HYAL4: variants seen among roughly 807,000 people sequenced by gnomAD.
HYAL4 encodes the protein hyaluronidase 4, also known as hyaluronidase-4.
A neutral mutation model predicts 35.2 loss-of-function variants in HYAL4; 37 were observed. The observed-to-expected ratio is 1.05, with a 90% confidence interval of 0.81 to 1.38. HYAL4 has a LOEUF of 1.38. HYAL4 is among the 40% of genes most tolerant of loss of function. The pLI, the probability that HYAL4 is intolerant of heterozygous loss-of-function variation, is 0.00. For missense variants in HYAL4, 572 were observed against 572.4 expected (o/e 1.00, Z 0.01); for synonymous variants, 198 against 203.2 (o/e 0.97, Z 0.22).
chr7:123,874,794 G>T lies in HYAL4; in HGVS notation c.988G>T (p.Ala330Ser). ...AGTCAGCACCATAGGAGAAAGTGCT[G>T]CCTTGGGAGCTGCAGGCATTGTTAT... ...DLVSTIGESA[A>S]LGAAGIVIWG... The change falls in exon 4 of 5, where the codon GCC becomes TCC. Residue 330 changes from alanine (A) to serine (S), a missense_variant. Transcript: ENST00000223026. The T allele has an allele frequency of 6.2e-7, 1 of 1,610,456 alleles. No individual in the cohort carries two copies. Among genetic ancestry groups the T allele is most frequent in the Non-Finnish European group, 8.5e-7 (1 of 1,176,588 alleles).
At chr7:123,834,228 T>G (rs563823903) in intron 1 of HYAL4, among the ~76,000 whole-genome samples, 1 of 152,274 alleles carries the variant, frequency 6.6e-6, no homozygotes, top group South Asian at 2.1e-4. Context: ...ATGGGATGTG[T>G]TTCTTTTTGT....
Position 123,876,895 on chromosome 7 carries a change from A to G in HYAL4, c.1186A>G (p.Ser396Gly), listed in dbSNP as rs1414913329. 1 of 1,614,192 alleles carries G rather than the reference A, an allele frequency of 6.2e-7. No homozygotes were observed. Among genetic ancestry groups the G allele is most frequent in the Non-Finnish European group, 8.5e-7 (1 of 1,180,040 alleles). ...CATAAGGAAGATGTGGAACGCGCCC[A>G]GTTACCTTCACTTGAACCCTGCAAG... ...RCIRKMWNAP[S>G]YLHLNPASYH... is the part of the protein sequence containing the mutation. Residue 396 changes from serine (S) to glycine (G), a missense_variant, in exon 5 of 5, where the codon AGT becomes GGT. Coordinates refer to ENST00000223026, the MANE Select transcript of HYAL4 (RefSeq NM_012269.3).
At chr7:123,783,184 G>A in the HYAL4 span, among the ~76,000 whole-genome samples, 1 of 152,080 alleles carries the variant, frequency 6.6e-6, no homozygotes, top group Non-Finnish European at 1.5e-5. Context: ...TTCATCCCAT[G>A]CGTCCTACAC....
At chr7:123,823,802 T>C in the HYAL4 span, among the ~76,000 whole-genome samples, 1 of 151,192 alleles carries the variant, frequency 6.6e-6, no homozygotes, top group Non-Finnish European at 1.5e-5. Context: ...TCTTCTAGGT[T>C]ATCCCGAGTT....
In HYAL4 at chr7:123,869,035, C is replaced by T; in HGVS notation, c.762C>T (p.Ser254=). The T allele has an allele frequency of 6.2e-7, 1 of 1,614,210 alleles. No individual in the cohort carries two copies. Among genetic ancestry groups the T allele is most frequent in the Non-Finnish European group, 8.5e-7 (1 of 1,180,040 alleles). ...RNNELSWLWN[S]SAALYPSIGV... ...ATGAGCTCTCTTGGCTCTGGAACAGCAGTGCTGCTTTATATCCTTCTATCG... is the reference window on the plus strand; with the variant it reads ...ATGAGCTCTCTTGGCTCTGGAACAGTAGTGCTGCTTTATATCCTTCTATCG... The change falls in exon 3 of 5, where the codon AGC becomes AGT. Residue 254 remains serine, a synonymous_variant. Coordinates refer to ENST00000223026, the MANE Select transcript of HYAL4 (RefSeq NM_012269.3).
At chr7:123,843,087 A>C (rs1159368258), upstream of HYAL4, among the ~76,000 whole-genome samples, 3 of 151,960 alleles carry the variant, frequency 2.0e-5, no homozygotes, top group Non-Finnish European at 4.4e-5. Flanking sequence ...CAGTTTCTTC[A>C]TAGCATCGAT....
At chr7:123,835,793 T>C (rs558283174) in intron 1 of HYAL4, among the ~76,000 whole-genome samples, 40 of 152,294 alleles carry the variant, frequency 2.6e-4, no homozygotes, top group African/African-American at 9.6e-4. Context: ...TGCCATTCGG[T>C]TCAAAAATTT....
At chr7:123,814,084 G>A in the HYAL4 span, 1 of 152,268 alleles carries the variant, frequency 6.6e-6, no homozygotes, top group South Asian at 2.1e-4. Flanking sequence ...CATTATGTAT[G>A]ATATTTTGCT....
chr7:123,804,420 CT>C, the HYAL4 span, among the ~76,000 whole-genome samples: 1 of 152,134 alleles, frequency 6.6e-6, no homozygotes, highest in African/African-American at 2.4e-5. Flanking sequence ...TTAATCAGCA[CT>C]TCAGGGTGCA....
At chr7:123,861,692 T>G (rs1181138186) in intron 2 of HYAL4, among the ~76,000 whole-genome samples, 1 of 152,162 alleles carries the variant, frequency 6.6e-6, no homozygotes, top group Non-Finnish European at 1.5e-5. Context: ...ACTGAAATAG[T>G]CATTTTCACA....
chr7:123,807,047 C>T, the HYAL4 span, among the ~76,000 whole-genome samples: 3 of 152,186 alleles, frequency 2.0e-5, no homozygotes, highest in East Asian at 1.9e-4. Flanking sequence ...CATACAATTT[C>T]TTTTCCCCAG....
At chr7:123,862,236 T>C (rs1806590981) in intron 2 of HYAL4, among the ~76,000 whole-genome samples, 2 of 152,160 alleles carry the variant, frequency 1.3e-5, no homozygotes, top group South Asian at 2.1e-4. Context: ...CAACAAAATA[T>C]CACTTTGGTC....
At chr7:123,818,822 A>G in the HYAL4 span, among the ~76,000 whole-genome samples, 2 of 152,338 alleles carry the variant, frequency 1.3e-5, no homozygotes, top group Admixed American at 6.5e-5. Context: ...TAATTGACAT[A>G]TACAATTGTA....
At chr7:123,787,790 G>A in the HYAL4 span, among the ~76,000 whole-genome samples, 1 of 152,138 alleles carries the variant, frequency 6.6e-6, no homozygotes, top group Non-Finnish European at 1.5e-5. Flanking sequence ...CAATTGCAGT[G>A]ACAGCAAACT....
At chr7:123,800,141 CAACA>C in the HYAL4 span, among the ~76,000 whole-genome samples, 1 of 146,692 alleles carries the variant, frequency 6.8e-6, no homozygotes, top group East Asian at 2.3e-4. Flanking sequence ...CCAGCTTGGG[CAACA>C]AAGAAAGACT....
chr7:123,774,482 C>G, the HYAL4 span, among the ~76,000 whole-genome samples: 1 of 151,854 alleles, frequency 6.6e-6, no homozygotes, highest in East Asian at 1.9e-4. Context: ...TCTTTGCAGC[C>G]TCTGTTACCA....
At chr7:123,772,648 G>A in the HYAL4 span, among the ~76,000 whole-genome samples, 1 of 152,212 alleles carries the variant, frequency 6.6e-6, no homozygotes, top group African/African-American at 2.4e-5. Flanking sequence ...GGACAAAGCA[G>A]CAATCCAATT....
the HYAL4 span, among the ~76,000 whole-genome samples, chr7:123,800,244 A>C: frequency 1.3e-5 from 2 of 150,790 alleles, no homozygotes; most frequent in Non-Finnish European, 3.0e-5. Context: ...ATCTCGGCTC[A>C]CTGCAAGCTC....
upstream of HYAL4, among the ~76,000 whole-genome samples, chr7:123,843,077 C>A (rs907548182): frequency 6.6e-6 from 1 of 151,962 alleles, no homozygotes; most frequent in Non-Finnish European, 1.5e-5. Flanking sequence ...TTGATTGATG[C>A]AGTTTCTTCA....
Sources: allele counts gnomAD v4.1 joint callset (sites outside exome capture counted in the v4.1 genomes callset), GRCh38; gene constraint gnomAD v4.1.1; transcripts MANE v1.5; gene names NCBI Gene and HGNC (gene_info 2026-07-23, HGNC 2026-07-21).